NEMP2: variants seen among roughly 807,000 people sequenced by gnomAD.
NEMP2 encodes UPF0571 transmembrane protein.
NEMP2 carries 53 observed loss-of-function variants against 54.2 expected under a neutral mutation model. The ratio of observed to expected loss-of-function variants is 0.98; its 90% confidence interval spans 0.78 to 1.23. The LOEUF (loss-of-function observed/expected upper bound fraction) is 1.23. NEMP2 is among the 50% of genes most tolerant of loss of function. The pLI is 0.00. For synonymous variants in NEMP2, 197 were observed against 190.3 expected, an observed-to-expected ratio of 1.04 and a Z score of -0.29; for missense variants, 455 against 511.3, an observed-to-expected ratio of 0.89 and a Z score of 1.06.
the NEMP2 span, among the ~76,000 whole-genome samples, chr2:190,421,590 A>G: frequency 6.6e-6 from 1 of 152,128 alleles, no homozygotes; most frequent in Non-Finnish European, 1.5e-5. Flanking sequence ...ATATTCACCT[A>G]TTTATTTATT....
the NEMP2 span, among the ~76,000 whole-genome samples, chr2:190,428,880 C>T: frequency 6.6e-6 from 1 of 152,076 alleles, no homozygotes; most frequent in South Asian, 2.1e-4. Flanking sequence ...GCCACATTGG[C>T]CAGGCTGGTC....
rs543233421 is a variant in NEMP2, at chr2:190,513,127, C to G, written c.953+1326G>C. On this transcript the variant is annotated intron_variant, in intron 7 of 8. Transcript: ENST00000409150. The surrounding 1 kb of genome is among the most constrained non-coding windows in gnomAD (Gnocchi z 5.3). ...TCCCCTTTATATCCACCTGCTGTGC[C>G]AGAAGACAGATGGGCCACATCCCAC... 3.3e-5 allele frequency among the ~76,000 whole-genome samples: 5 copies of G among 152,332 alleles called. No individual in the cohort carries two copies. The highest frequency in any genetic ancestry group is 4.1e-4 in the South Asian group (2 of 4,830).
At chr2:190,573,389 A>C in the NEMP2 span, among the ~76,000 whole-genome samples, 1 of 152,172 alleles carries the variant, frequency 6.6e-6, no homozygotes, top group Non-Finnish European at 1.5e-5. Flanking sequence ...TAGCCAGTGG[A>C]ATGGAAGCAG....
At chr2:190,613,461 T>C in the NEMP2 span, among the ~76,000 whole-genome samples, 1 of 152,258 alleles carries the variant, frequency 6.6e-6, no homozygotes, top group Admixed American at 6.5e-5. Flanking sequence ...TATAGTTTTG[T>C]AGCCTCTACG....
the NEMP2 span, chr2:190,437,338 G>C: frequency 1.2e-6 from 2 of 1,614,256 alleles, no homozygotes; most frequent in Non-Finnish European, 1.7e-6. The surrounding 1 kb of genome is among the most constrained non-coding windows in gnomAD (Gnocchi z 5.9). Context: ...CAACTTTTGG[G>C]ACTTAATCAA....
chr2:190,602,587 C>A, the NEMP2 span, among the ~76,000 whole-genome samples: 1 of 152,190 alleles, frequency 6.6e-6, no homozygotes, highest in African/African-American at 2.4e-5. Flanking sequence ...TTGAGTGGAA[C>A]CCAGGGAGTG....
the NEMP2 span, among the ~76,000 whole-genome samples, chr2:190,455,060 G>A: frequency 1.3e-5 from 2 of 151,878 alleles, no homozygotes; most frequent in Non-Finnish European, 2.9e-5. Context: ...GCCTGGAAAG[G>A]AACAGATTTG....
At chr2:190,447,613 C>G in the NEMP2 span, among the ~76,000 whole-genome samples, 6 of 152,172 alleles carry the variant, frequency 3.9e-5, no homozygotes, top group African/African-American at 1.4e-4. This position sits in a 1 kb window ranked among gnomAD's most constrained non-coding sequence, Gnocchi z 4.5. Flanking sequence ...CTACTATCTT[C>G]ATAATAGCTG....
chr2:190,574,894 G>A, the NEMP2 span, among the ~76,000 whole-genome samples: 9 of 146,812 alleles, frequency 6.1e-5, no homozygotes, highest in East Asian at 2.0e-4. Context: ...TCACGCTGTC[G>A]CCCAGGCTGG....
rs1574315236 is a variant in NEMP2, at chr2:190,528,776, A to G, written c.98-3398T>C. ...TTGCAATCAAATGCTCTCTTCAAAT[A>G]AGGTTCTTTCCACTTGATCCTAAGA... On this transcript the variant is annotated intron_variant, in intron 1 of 8. Transcript: ENST00000409150. This position sits in a 1 kb window ranked among gnomAD's most constrained non-coding sequence, Gnocchi z 4.3. Among the ~76,000 whole-genome samples, 1 of 152,184 alleles carries G rather than the reference A, an allele frequency of 6.6e-6. No homozygotes were observed. Among genetic ancestry groups the G allele is most frequent in the South Asian group, 2.1e-4 (1 of 4,828 alleles).
chr2:190,499,922 C>T, downstream of NEMP2: 1 of 1,587,136 alleles, frequency 6.3e-7, no homozygotes. This position sits in a 1 kb window ranked among gnomAD's most constrained non-coding sequence, Gnocchi z 6.0. Flanking sequence ...GGATGATCTC[C>T]CCATGTTTCC....
chr2:190,568,869 A>G, the NEMP2 span, among the ~76,000 whole-genome samples: 2 of 152,182 alleles, frequency 1.3e-5, no homozygotes, highest in Non-Finnish European at 2.9e-5. The surrounding 1 kb of genome is among the most constrained non-coding windows in gnomAD (Gnocchi z 4.7). Context: ...ATTATCAGAG[A>G]AAAACACTGT....
the NEMP2 span, among the ~76,000 whole-genome samples, chr2:190,623,610 C>A: frequency 6.6e-6 from 1 of 152,108 alleles, no homozygotes. Flanking sequence ...ACTGAATAAC[C>A]AGATGCAGAA....
the NEMP2 span, among the ~76,000 whole-genome samples, chr2:190,465,321 T>C: frequency 6.6e-6 from 1 of 152,228 alleles, no homozygotes; most frequent in African/African-American, 2.4e-5. This position sits in a 1 kb window ranked among gnomAD's most constrained non-coding sequence, Gnocchi z 4.6. Flanking sequence ...GTTTCTTGTC[T>C]ATTTTTATTA....
At chr2:190,463,490 A>T in the NEMP2 span, among the ~76,000 whole-genome samples, 2 of 152,170 alleles carry the variant, frequency 1.3e-5, no homozygotes, top group Non-Finnish European at 2.9e-5. This position sits in a 1 kb window ranked among gnomAD's most constrained non-coding sequence, Gnocchi z 4.4. Flanking sequence ...TCTGAAAAAA[A>T]AATTTTTTTT....
Position 190,533,889 on chromosome 2 carries a change from G to C in NEMP2, c.97+670C>G. The C allele has an allele frequency of 1.3e-6, 1 of 789,538 alleles. No homozygotes were observed. The highest frequency in any genetic ancestry group is 1.5e-6 in the Non-Finnish European group (1 of 651,012). The allele number at this position is 789,538 out of a possible 1,614,324, so 48.9% of individuals were successfully genotyped here. ...TCCTTCCCAGATCCTTCCCCAGTGT[G>C]CCAGCATCTTAAGCCCACTCCGTGG... On this transcript the variant is annotated intron_variant, in intron 1 of 8. Coordinates refer to ENST00000409150, the MANE Select transcript of NEMP2 (RefSeq NM_001142645.2). This position sits in a 1 kb window ranked among gnomAD's most constrained non-coding sequence, Gnocchi z 4.3.
At chr2:190,427,510 A>G in the NEMP2 span, among the ~76,000 whole-genome samples, 1 of 152,126 alleles carries the variant, frequency 6.6e-6, no homozygotes, top group Admixed American at 6.5e-5. Flanking sequence ...GTTTGCACCT[A>G]TCTTCACCCA....
At chr2:190,489,121 A>AAGGT in the NEMP2 span, among the ~76,000 whole-genome samples, 1 of 152,224 alleles carries the variant, frequency 6.6e-6, no homozygotes, top group Admixed American at 6.5e-5. This position sits in a 1 kb window ranked among gnomAD's most constrained non-coding sequence, Gnocchi z 6.6. Flanking sequence ...GGTCTAAAAT[A>AAGGT]AGGTACCTTA....
At chr2:190,426,626 C>T in the NEMP2 span, among the ~76,000 whole-genome samples, 1 of 152,164 alleles carries the variant, frequency 6.6e-6, no homozygotes, top group Non-Finnish European at 1.5e-5. This position sits in a 1 kb window ranked among gnomAD's most constrained non-coding sequence, Gnocchi z 4.7. Context: ...CCTCATCCCC[C>T]TCCCATTCTC....
Sources: gnomAD v4.1 joint callset for allele counts (sites outside exome capture counted in the v4.1 genomes callset) on GRCh38, gnomAD v4.1.1 for gene constraint, Gnocchi (gnomAD v3.1) non-coding constraint, MANE v1.5 for transcripts, NCBI Gene and HGNC (gene_info 2026-07-23, HGNC 2026-07-21) for gene names.